The following FANCA variants were observed in gnomAD, a reference collection of about 807,000 sequenced individuals.
FANCA encodes Fanconi anemia group A protein.
FANCA carries 236 observed loss-of-function variants against 194.3 expected under a neutral mutation model. The ratio of observed to expected loss-of-function variants is 1.21; its 90% CI spans 1.09 to 1.35. The LOEUF (loss-of-function observed/expected upper bound fraction) is 1.35. FANCA is among the 40% of genes most tolerant of loss of function. The pLI, the probability that FANCA is intolerant of heterozygous loss-of-function variation, is 0.00. For synonymous variants in FANCA, 1,014 were observed against 715.8 expected, an observed-to-expected ratio of 1.42 and a Z score of -6.65; for missense variants, 2,628 against 1,813.9, an observed-to-expected ratio of 1.45 and a Z score of -8.15.
At chr16:89,815,480 C>T (rs1220484312) in intron 2 of FANCA, among the ~76,000 whole-genome samples, 1 of 150,674 alleles carries the variant, frequency 6.6e-6, no homozygotes, top group African/African-American at 2.4e-5. Flanking sequence ...CTCAGGCTCC[C>T]GAGTAGCTGG....
At chr16:89,747,745 C>T (rs1292450085) in intron 33 of FANCA, among the ~76,000 whole-genome samples, 1 of 152,062 alleles carries the variant, frequency 6.6e-6, no homozygotes. Context: ...TAAAATGCTG[C>T]ACAGCTGGCA....
intron 20 of FANCA, 51 bp downstream of exon 20, chr16:89,778,750 T>A: frequency 6.5e-7 from 1 of 1,545,726 alleles, no homozygotes; most frequent in East Asian, 2.3e-5. Context: ...TTCTTCGCAT[T>A]GTCAGAAGAA....
At chr16:89,785,299 C>T (rs1283972745) in intron 14 of FANCA, among the ~76,000 whole-genome samples, 1 of 152,222 alleles carries the variant, frequency 6.6e-6, no homozygotes, top group Non-Finnish European at 1.5e-5. Flanking sequence ...CTATAACAAA[C>T]ACTAACTATG....
At chr16:89,773,943 G>C (rs897877938) in intron 21 of FANCA, among the ~76,000 whole-genome samples, 1 of 151,898 alleles carries the variant, frequency 6.6e-6, no homozygotes, top group African/African-American at 2.4e-5. Flanking sequence ...CTAATTTTTT[G>C]TATTTTTAGT....
chr16:89,816,393 C>T (rs1340987464), intron 1 of FANCA, 144 bp downstream of exon 1: 29 of 611,024 alleles, frequency 4.7e-5, no homozygotes, highest in Non-Finnish European at 1.4e-5. Context: ...GCCGCCCCAG[C>T]CGGGCGCCCA....
At position 89,746,294 on chromosome 16, in the gene FANCA, C is replaced by T. The variant is rs548433063; in HGVS notation, c.3513+290G>A. ...AGACCGTGAACAAACAAGCCCTGCA[C>T]CCCTGTGGACATGAAGGTGCCCGTG... On this transcript the variant is annotated intron_variant, in intron 35 of 42. Coordinates refer to ENST00000389301, the MANE Select transcript of FANCA (RefSeq NM_000135.4). 5.9e-5 allele frequency among the ~76,000 whole-genome samples: 9 copies of T among 152,316 alleles called. No homozygotes were observed. In the East Asian group the frequency reaches 1.7e-3, roughly 29 times the overall value.
intron 23 of FANCA, among the ~76,000 whole-genome samples, chr16:89,771,144 G>A (rs1356425213): frequency 5.4e-5 from 7 of 128,454 alleles, no homozygotes; most frequent in South Asian, 2.5e-4. Flanking sequence ...GGGCAACAGA[G>A]AAGACTCAGT....
intron 27 of FANCA, among the ~76,000 whole-genome samples, chr16:89,766,381 T>G (rs1227256149): frequency 6.6e-6 from 1 of 152,186 alleles, no homozygotes; most frequent in African/African-American, 2.4e-5. Context: ...ACCTTTACTT[T>G]TGACATTCAG....
chr16:89,738,933 C>T lies in FANCA; in HGVS notation c.4209G>A (p.Leu1403=), dbSNP rs755883570. ...VELITKARLF[L]LQLIPRCPKK... Reference sequence around the variant, plus strand: ...TCGGGCACCGAGGTATTAACTGCAGCAGAAAAAGACGAGCTTTTGTTATCA... The same window carrying T: ...TCGGGCACCGAGGTATTAACTGCAGTAGAAAAAGACGAGCTTTTGTTATCA... The change falls in exon 42 of 43, where the codon CTG becomes CTA. Residue 1403 remains leucine, a synonymous_variant. Transcript: ENST00000389301. 15 of 1,614,146 alleles carry T rather than the reference C, an allele frequency of 9.3e-6. No individual in the cohort carries two copies. The South Asian group carries it at 1.6e-4, about 18-fold the overall frequency.
intron 17 of FANCA, among the ~76,000 whole-genome samples, chr16:89,781,173 GC>G (rs2039687181): frequency 6.6e-6 from 1 of 151,832 alleles, no homozygotes; most frequent in African/African-American, 2.4e-5. Flanking sequence ...GACCATCCTG[GC>G]TAACACGGTG....
chr16:89,793,162 G>A (rs545369730), intron 11 of FANCA, among the ~76,000 whole-genome samples: 4 of 152,200 alleles, frequency 2.6e-5, no homozygotes, highest in South Asian at 2.1e-4. Context: ...AACTCCCGGG[G>A]GGAAAGGGAG....
intron 1 of FANCA, chr16:89,816,316 G>C (rs1356063746): frequency 8.2e-6 from 2 of 243,524 alleles, no homozygotes; most frequent in East Asian, 6.3e-5. Context: ...AAAGAAGGGA[G>C]CGCCCCGCGG....
intron 30 of FANCA, among the ~76,000 whole-genome samples, chr16:89,754,223 GAAAA>G (rs745313216): frequency 9.0e-6 from 1 of 110,870 alleles, no homozygotes; most frequent in Non-Finnish European, 1.7e-5. Flanking sequence ...CTCCGTCTCA[GAAAA>G]AAAAAAACAA....
chr16:89,795,998 T>G lies in FANCA; in HGVS notation c.914A>C (p.His305Pro), dbSNP rs770384004. Residue 305 changes from histidine (H) to proline (P), a missense_variant, in exon 11 of 43, where the codon CAC (histidine) becomes CCC (proline). By Grantham distance (77) the His-to-Pro change is moderately conservative (BLOSUM62 -2). Transcript: ENST00000389301. The part of the protein sequence containing the change: ...VRCWFGVFSG[H>P]TLGSVISTDP... ...TGTGGAAATTACACTGCCAAGCGTGTGTCCACTGAACACTCCGAACCTGCC... is the reference window on the plus strand; with the variant it reads ...TGTGGAAATTACACTGCCAAGCGTGGGTCCACTGAACACTCCGAACCTGCC... 12 of 1,613,970 alleles carry G rather than the reference T, an allele frequency of 7.4e-6. No homozygotes were observed. Among genetic ancestry groups the G allele is most frequent in the Non-Finnish European group, 9.3e-6 (11 of 1,179,964 alleles).
intron 36 of FANCA, among the ~76,000 whole-genome samples, 167 bp from the exon 37 acceptor site, chr16:89,743,105 C>T (rs1024785465): frequency 1.1e-4 from 16 of 152,194 alleles, no homozygotes; most frequent in Non-Finnish European, 5.9e-5. Flanking sequence ...CCCAGGTCCA[C>T]GTGAGAGTGT....
intron 36 of FANCA, 195 bp downstream of exon 36, chr16:89,744,764 C>A: frequency 3.2e-6 from 2 of 626,300 alleles, no homozygotes; most frequent in Admixed American, 2.2e-5. Context: ...TCAACTGATT[C>A]TCCTGCCTCG....
At chr16:89,762,659 G>T in intron 28 of FANCA, 1 of 310,988 alleles carries the variant, frequency 3.2e-6, no homozygotes, top group South Asian at 2.4e-5. Flanking sequence ...TTTGGAAACA[G>T]GTTCTGTTGC....
At chr16:89,804,991 G>A (rs1473061604) in intron 7 of FANCA, among the ~76,000 whole-genome samples, 8 of 152,150 alleles carry the variant, frequency 5.3e-5, no homozygotes, top group African/African-American at 9.7e-5. Flanking sequence ...AGCTGAGATC[G>A]CGCCACTGTA....
At chr16:89,804,046 G>A (rs1039802447) in intron 7 of FANCA, among the ~76,000 whole-genome samples, 1 of 152,174 alleles carries the variant, frequency 6.6e-6, no homozygotes, top group Non-Finnish European at 1.5e-5. Flanking sequence ...TGTGATGGGG[G>A]AGGAAAGGCA....
Sources: gnomAD v4.1 joint callset for allele counts (sites outside exome capture counted in the v4.1 genomes callset) on GRCh38, gnomAD v4.1.1 for gene constraint, MANE v1.5 for transcripts, NCBI Gene and HGNC (gene_info 2026-07-23, HGNC 2026-07-21) for gene names.